Variants in MRTFB observed in about 807,000 individuals in gnomAD.
MRTFB encodes myocardin related transcription factor B, also known as myocardin-related transcription factor B.
MRTFB carries 29 observed loss-of-function variants against 104.2 expected under a neutral mutation model. The observed-to-expected ratio is 0.28, with a 90% CI of 0.21 to 0.38. The LOEUF is 0.38. MRTFB is among the 10% of genes least tolerant of loss of function. MRTFB has a pLI of 1.00. For missense variants in MRTFB, 1,270 were observed against 1,341.6 expected, an observed-to-expected ratio of 0.95 and a Z score of 0.83; for synonymous variants, 535 against 519.5, an observed-to-expected ratio of 1.03 and a Z score of -0.41.
At chr16:14,006,830 A>G in the MRTFB span, among the ~76,000 whole-genome samples, 4 of 152,136 alleles carry the variant, frequency 2.6e-5, no homozygotes, top group Admixed American at 2.6e-4. Context: ...AGCCTGGGCA[A>G]CATAGCAAGA....
intron 3 of MRTFB, among the ~76,000 whole-genome samples, chr16:14,193,467 T>A (rs770536787): frequency 7.9e-5 from 12 of 152,114 alleles, no homozygotes; most frequent in Non-Finnish European, 1.6e-4. Context: ...CAGTTTCACT[T>A]CAGATGTCGC....
At chr16:14,212,020 G>A (rs891709187) in intron 4 of MRTFB, among the ~76,000 whole-genome samples, 3 of 152,128 alleles carry the variant, frequency 2.0e-5, no homozygotes, top group Non-Finnish European at 4.4e-5. Context: ...TAGCTTATAT[G>A]ACCATTAAGA....
chr16:14,040,495 C>G, the MRTFB span, among the ~76,000 whole-genome samples: 1 of 146,124 alleles, frequency 6.8e-6, no homozygotes, highest in Non-Finnish European at 1.5e-5. Context: ...TGGAGTCTGG[C>G]TCTGTTGCCC....
At position 14,237,342 on chromosome 16, in the gene MRTFB, G is replaced by A. The variant is rs138140596; in HGVS notation, c.832-2895G>A. Among the ~76,000 whole-genome samples, 760 of 152,336 alleles carry A rather than the reference G, an allele frequency of 5.0e-3. 6 individuals are homozygous for A. Among genetic ancestry groups the A allele is most frequent in the African/African-American group, 0.017 (714 of 41,572 alleles). On this transcript the variant is annotated intron_variant, in intron 9 of 16. Coordinates refer to ENST00000571589, the MANE Select transcript of MRTFB (RefSeq NM_001308142.2). ...AGCAAGAGTGAGGCAAGGCAGCCCTGAAGCCAGACACGATGTTTCAAGAAG... is the reference window on the plus strand; with the variant it reads ...AGCAAGAGTGAGGCAAGGCAGCCCTAAAGCCAGACACGATGTTTCAAGAAG...
At chr16:14,014,015 C>T in the MRTFB span, among the ~76,000 whole-genome samples, 3 of 152,126 alleles carry the variant, frequency 2.0e-5, no homozygotes, top group Non-Finnish European at 2.9e-5. Context: ...TTTTATTTTT[C>T]GCTTAGTCGT....
intron 2 of MRTFB, among the ~76,000 whole-genome samples, chr16:14,115,681 G>A (rs1001242077): frequency 3.9e-5 from 6 of 152,160 alleles, no homozygotes; most frequent in African/African-American, 1.4e-4. Context: ...ACACTAAATA[G>A]GAAATGCACT....
chr16:14,107,769 C>G (rs2036062635), intron 2 of MRTFB, among the ~76,000 whole-genome samples: 1 of 152,198 alleles, frequency 6.6e-6, no homozygotes, highest in Non-Finnish European at 1.5e-5. Flanking sequence ...AAATGTAATG[C>G]ACATGGGGAA....
At position 14,247,181 on chromosome 16, in the gene MRTFB, G is replaced by A; in HGVS notation, c.1921G>A (p.Glu641Lys). 1 of 1,614,094 alleles carries A rather than the reference G, an allele frequency of 6.2e-7. No homozygotes were observed. Among genetic ancestry groups the A allele is most frequent in the South Asian group, 1.1e-5 (1 of 91,078 alleles). The change falls in exon 12 of 17, where the codon GAG becomes AAG. Residue 641 changes from glutamate to lysine, a missense_variant. Physicochemically the swap from Glu to Lys is moderately conservative, Grantham distance 56 (BLOSUM62 1). This residue lies in a region of MRTFB where 1,144 missense variants were observed against 1,131.5 expected (regional missense o/e 1.01). Transcript: ENST00000571589. Reference sequence around the variant, plus strand: ...CAGCCTTGGCTCCTCCATCAAAGATGAGGCCTCACTCCCTGACTGCTCCAG... The same window carrying A: ...CAGCCTTGGCTCCTCCATCAAAGATAAGGCCTCACTCCCTGACTGCTCCAG... ...HGSLGSSIKD[E>K]ASLPDCSSSR...
At chr16:14,102,809 A>G (rs2035769734) in intron 2 of MRTFB, among the ~76,000 whole-genome samples, 1 of 152,204 alleles carries the variant, frequency 6.6e-6, no homozygotes, top group South Asian at 2.1e-4. Flanking sequence ...TAATATTCAC[A>G]TAGTATGTGT....
At chr16:14,200,366 C>G in intron 3 of MRTFB, 2 of 1,607,996 alleles carry the variant, frequency 1.2e-6, no homozygotes, top group African/African-American at 2.7e-5. Flanking sequence ...CATGTTGCAG[C>G]AGGATAGTAA....
chr16:14,052,755 A>AG, the MRTFB span, among the ~76,000 whole-genome samples: 3 of 149,826 alleles, frequency 2.0e-5, no homozygotes, highest in African/African-American at 5.0e-5. Flanking sequence ...AAAAAAAAAA[A>AG]GAAAGAAAGA....
At chr16:14,096,514 A>G (rs185120958) in intron 2 of MRTFB, among the ~76,000 whole-genome samples, 29 of 152,340 alleles carry the variant, frequency 1.9e-4, no homozygotes, top group African/African-American at 7.0e-4. Flanking sequence ...GAAAAAGTCT[A>G]AAAAAGAAGT....
chr16:14,074,855 A>T (rs2141796489), intron 1 of MRTFB, among the ~76,000 whole-genome samples: 1 of 152,368 alleles, frequency 6.6e-6, no homozygotes, highest in East Asian at 1.9e-4. Flanking sequence ...CAAATGGAGA[A>T]TCAATGTTTG....
At chr16:14,000,012 C>T in the MRTFB span, among the ~76,000 whole-genome samples, 1 of 152,158 alleles carries the variant, frequency 6.6e-6, no homozygotes, top group Admixed American at 6.5e-5. Context: ...GTCACCATAG[C>T]ACTGTGACTC....
chr16:13,999,307 A>G, the MRTFB span, among the ~76,000 whole-genome samples: 17 of 152,078 alleles, frequency 1.1e-4, no homozygotes, highest in African/African-American at 1.7e-4. Flanking sequence ...GGCTCAGCAT[A>G]TTTCTTTCCT....
the MRTFB span, among the ~76,000 whole-genome samples, chr16:14,023,334 A>C: frequency 6.6e-5 from 10 of 152,110 alleles, no homozygotes; most frequent in Non-Finnish European, 1.5e-4. Context: ...AGTCCCAGCT[A>C]TTCAGGAGGC....
intron 8 of MRTFB, among the ~76,000 whole-genome samples, chr16:14,225,127 G>A (rs2041941145): frequency 6.6e-6 from 1 of 152,058 alleles, no homozygotes; most frequent in South Asian, 2.1e-4. Flanking sequence ...TGGAGGTTGT[G>A]GTGAGCCATG....
At position 14,246,902 on chromosome 16, in the gene MRTFB, A is replaced by G. The variant is rs2043039626; in HGVS notation, c.1642A>G (p.Asn548Asp). ...FLSSSPLRMT[N>D]NEDSLSPTSS... ...GAGTTCATCTCCTTTGAGAATGACA[A>G]ATAATGAAGACAGTCTGAGTCCCAC... is the stretch of plus-strand genomic sequence containing the variant. Residue 548 changes from asparagine to aspartate, a missense_variant, in exon 12 of 17, where the codon AAT becomes GAT. Asn to Asp is a conservative substitution (Grantham distance 23). Coordinates refer to ENST00000571589, the MANE Select transcript of MRTFB (RefSeq NM_001308142.2). 2 of 1,613,908 alleles carry G rather than the reference A, an allele frequency of 1.2e-6. No individual in the cohort carries two copies.
intron 3 of MRTFB, among the ~76,000 whole-genome samples, chr16:14,163,276 G>C (rs2039110955): frequency 6.6e-6 from 1 of 152,088 alleles, no homozygotes; most frequent in Non-Finnish European, 1.5e-5. Flanking sequence ...AAATAAGTCA[G>C]GTATGACCAT....
Sources: gnomAD v4.1 joint callset for allele counts (sites outside exome capture counted in the v4.1 genomes callset) on GRCh38, gnomAD v4.1.1 for gene constraint, gnomAD v4.1.1 regional missense constraint, MANE v1.5 for transcripts, NCBI Gene and HGNC (gene_info 2026-07-23, HGNC 2026-07-21) for gene names.